The following ANO4 variants were observed in gnomAD, a reference collection of about 807,000 sequenced individuals.
ANO4 encodes the protein anoctamin 4, also known as anoctamin-4.
In ANO4, 69 loss-of-function variants were observed where a neutral mutation model predicts 141.9. That is an observed-to-expected ratio of 0.49 (90% CI 0.40 to 0.59). ANO4 has a LOEUF of 0.59. Ranked by LOEUF, ANO4 falls within the 20% of genes least tolerant of loss-of-function variation. The pLI is 0.00. For synonymous variants in ANO4, 350 were observed against 394.3 expected (o/e 0.89, Z 1.33); for missense variants, 894 against 1,162.2 (o/e 0.77, Z 3.36).
rs116765257 is a variant in ANO4 at position 100,987,516 on chromosome 12, G to C, written c.603-23G>C. 969 of 1,610,780 alleles carry C rather than the reference G, an allele frequency of 6.0e-4. 6 individuals carry two copies. In the African/African-American group the frequency reaches 0.012, roughly 19 times the overall value. On this transcript the variant is annotated intron_variant, in intron 7 of 27. Transcript: ENST00000392977. ...CATTGCTGACATGCTGTACCCTTTG[G>C]TCTTGCCTTCCATGTACCACAGGAT...
intron 14 of ANO4, among the ~76,000 whole-genome samples, chr12:101,058,646 T>G (rs1369924347): frequency 6.6e-6 from 1 of 152,220 alleles, no homozygotes; most frequent in Non-Finnish European, 1.5e-5. Context: ...AGTTCATTCA[T>G]GATTTGGCTC....
intron 15 of ANO4, among the ~76,000 whole-genome samples, chr12:101,081,050 T>C (rs911728912): frequency 1.3e-5 from 2 of 151,058 alleles, no homozygotes; most frequent in African/African-American, 4.9e-5. Context: ...TGTGTGTGTA[T>C]ACATATATAT....
At chr12:100,802,116 T>C (rs1310538427) in intron 1 of ANO4, among the ~76,000 whole-genome samples, 1 of 152,228 alleles carries the variant, frequency 6.6e-6, no homozygotes, top group East Asian at 1.9e-4. Flanking sequence ...GAGTTTAGCA[T>C]TGAGATCACT....
At chr12:100,758,482 G>GGAT (rs1218460016) in intron 3 of ANO4, among the ~76,000 whole-genome samples, 2 of 152,284 alleles carry the variant, frequency 1.3e-5, no homozygotes, top group South Asian at 2.1e-4. Context: ...GAATTGCTGG[G>GGAT]GATGTATCCT....
intron 8 of ANO4, among the ~76,000 whole-genome samples, chr12:101,000,470 T>C (rs887549275): frequency 7.2e-5 from 11 of 152,204 alleles, no homozygotes; most frequent in Non-Finnish European, 1.5e-5. Context: ...ATCTGAAATC[T>C]TTAGAGAATC....
intron 1 of ANO4, among the ~76,000 whole-genome samples, chr12:100,723,617 A>G (rs138536105): frequency 2.0e-5 from 3 of 152,338 alleles, no homozygotes; most frequent in Non-Finnish European, 4.4e-5. Context: ...GACTAAATCA[A>G]CACATTGATA....
chr12:101,114,632 G>A (rs775692154), intron 24 of ANO4, among the ~76,000 whole-genome samples: 2 of 152,086 alleles, frequency 1.3e-5, no homozygotes, highest in East Asian at 1.9e-4. Flanking sequence ...TGCAGGAGGG[G>A]TTATGAATAT....
chr12:100,997,940 C>G (rs1172082099), intron 8 of ANO4, among the ~76,000 whole-genome samples: 1 of 152,152 alleles, frequency 6.6e-6, no homozygotes, highest in African/African-American at 2.4e-5. Flanking sequence ...CTTAACTGCT[C>G]ATGGCCATAA....
At position 100,916,924 on chromosome 12, in the gene ANO4, A is replaced by C. The variant is rs373002258; in HGVS notation, c.56-5302A>C. ...TTGATGCCCTGGAAGTTGAGGCTGC[A>C]GTGAGCTGCGATTGCATCATTGAAC... On this transcript the variant is annotated intron_variant, in intron 2 of 27. Transcript: ENST00000392977. 5.9e-5 allele frequency among the ~76,000 whole-genome samples: 9 copies of C among 151,978 alleles called. No individual in the cohort carries two copies. In the East Asian group the frequency reaches 1.4e-3, roughly 23 times the overall value.
At chr12:100,735,677 G>A (rs770872367) in intron 2 of ANO4, among the ~76,000 whole-genome samples, 6 of 152,184 alleles carry the variant, frequency 3.9e-5, no homozygotes, top group Non-Finnish European at 1.5e-5. Flanking sequence ...GTCATTGGCT[G>A]GATATGGGGA....
intron 14 of ANO4, among the ~76,000 whole-genome samples, chr12:101,056,134 A>G (rs2048107984): frequency 6.6e-6 from 1 of 152,172 alleles, no homozygotes; most frequent in Non-Finnish European, 1.5e-5. Context: ...GCATTTCCAA[A>G]AAAATTGTAG....
At chr12:101,035,878 G>T (rs2047172127) in intron 9 of ANO4, among the ~76,000 whole-genome samples, 1 of 152,068 alleles carries the variant, frequency 6.6e-6, no homozygotes, top group African/African-American at 2.4e-5. Flanking sequence ...GGAGGATGAG[G>T]ATTGGAAAAC....
chr12:101,100,562 G>C (rs1244467531), intron 22 of ANO4, among the ~76,000 whole-genome samples: 3 of 152,132 alleles, frequency 2.0e-5, no homozygotes, highest in African/African-American at 7.2e-5. Context: ...AATTCATTAA[G>C]AGAACTAACC....
At position 101,048,322 on chromosome 12, in the gene ANO4, C is replaced by G; in HGVS notation, c.1252-19C>G. ...CATATATGAGAAATTAACTCAGCAC[C>G]GATTCTTATTATTCACAGGTAACCC... On this transcript the variant is annotated intron_variant, in intron 13 of 27. Transcript: ENST00000392977. 6.2e-7 allele frequency: 1 copy of G among 1,611,754 alleles called. No homozygotes were observed. The highest frequency in any genetic ancestry group is 8.5e-7 in the Non-Finnish European group (1 of 1,178,512).
intron 5 of ANO4, among the ~76,000 whole-genome samples, chr12:100,945,948 C>T (rs566834984): frequency 1.3e-3 from 200 of 151,990 alleles, no homozygotes; most frequent in South Asian, 0.012. Context: ...GGAACTTAAA[C>T]AAAAAATATG....
chr12:100,890,188 C>T (rs1177896777), intron 1 of ANO4, among the ~76,000 whole-genome samples: 3 of 152,016 alleles, frequency 2.0e-5, no homozygotes, highest in Admixed American at 6.5e-5. Context: ...ATTTAAACTC[C>T]CATTTTGTAA....
At chr12:100,966,792 CATGTATATAT>C (rs2043674236) in intron 5 of ANO4, among the ~76,000 whole-genome samples, 1 of 151,324 alleles carries the variant, frequency 6.6e-6, no homozygotes, top group African/African-American at 2.4e-5. Flanking sequence ...TATACACACA[CATGTATATAT>C]ATACACACAC....
intron 19 of ANO4, among the ~76,000 whole-genome samples, chr12:101,097,199 C>G (rs1375180057): frequency 6.7e-6 from 1 of 150,220 alleles, no homozygotes; most frequent in East Asian, 2.0e-4. Context: ...TGGGAAGGAC[C>G]AGGTATAGGG....
At chr12:100,986,954 G>C (rs1453922868) in intron 7 of ANO4, among the ~76,000 whole-genome samples, 1 of 152,168 alleles carries the variant, frequency 6.6e-6, no homozygotes, top group Non-Finnish European at 1.5e-5. Flanking sequence ...CTAGCACCAT[G>C]AGAACCATGG....
Sources: gnomAD v4.1 joint callset for allele counts (sites outside exome capture counted in the v4.1 genomes callset) on GRCh38, gnomAD v4.1.1 for gene constraint, MANE v1.5 for transcripts, NCBI Gene and HGNC (gene_info 2026-07-23, HGNC 2026-07-21) for gene names.